Variants in STPG2 observed in about 807,000 individuals in gnomAD.
The protein encoded by STPG2 is sperm tail PG-rich repeat containing 2.
A neutral mutation model predicts 54.2 loss-of-function variants in STPG2; 56 were observed. The observed-to-expected ratio is 1.03, with a 90% CI of 0.83 to 1.29. The LOEUF is 1.29. Among genes scored for constraint, STPG2 ranks in the 50% most tolerant of loss-of-function variants. The pLI, the probability that STPG2 is intolerant of heterozygous loss-of-function variation, is 0.00. For missense variants in STPG2, 596 were observed against 544.9 expected, an observed-to-expected ratio of 1.09 and a Z score of -0.93; for synonymous variants, 200 against 181.8, an observed-to-expected ratio of 1.10 and a Z score of -0.81.
chr4:97,452,302 C>T (rs1022083610), intron 4 of STPG2, among the ~76,000 whole-genome samples: 2 of 152,098 alleles, frequency 1.3e-5, no homozygotes, highest in African/African-American at 4.8e-5. Flanking sequence ...AATTTTGGAG[C>T]AAAGTCAGGT....
chr4:97,950,703 TC>T (rs1733431786), intron 7 of STPG2, among the ~76,000 whole-genome samples: 2 of 152,216 alleles, frequency 1.3e-5, no homozygotes, highest in South Asian at 2.1e-4. Flanking sequence ...TCTTCTGACC[TC>T]CACGCTGTCC....
chr4:97,649,420 A>G (rs1284550506), intron 10 of STPG2, among the ~76,000 whole-genome samples: 1 of 152,148 alleles, frequency 6.6e-6, no homozygotes, highest in African/African-American at 2.4e-5. Context: ...TAGCTGTCAC[A>G]GGCTGTTTTT....
chr4:98,071,484 C>G (rs1738001437), intron 5 of STPG2, among the ~76,000 whole-genome samples: 1 of 151,956 alleles, frequency 6.6e-6, no homozygotes, highest in Non-Finnish European at 1.5e-5. Context: ...TAGGCAATAC[C>G]ATTCAGGACA....
intron 4 of STPG2, among the ~76,000 whole-genome samples, chr4:97,541,526 G>A (rs887407273): frequency 5.9e-5 from 9 of 152,110 alleles, no homozygotes; most frequent in South Asian, 2.1e-4. Flanking sequence ...AATCAGTATC[G>A]TGAAAATGGC....
At chr4:97,615,511 C>A (rs1032896547) in intron 10 of STPG2, among the ~76,000 whole-genome samples, 1 of 152,016 alleles carries the variant, frequency 6.6e-6, no homozygotes, top group Non-Finnish European at 1.5e-5. Flanking sequence ...TGGCCTTGAA[C>A]TCCTAGCCTC....
At chr4:98,035,303 C>T (rs1488425580) in intron 5 of STPG2, among the ~76,000 whole-genome samples, 1 of 152,164 alleles carries the variant, frequency 6.6e-6, no homozygotes, top group Non-Finnish European at 1.5e-5. Context: ...TGAACAGACA[C>T]TTCTCAAAAG....
chr4:97,706,176 G>C (rs1002608004), intron 10 of STPG2, among the ~76,000 whole-genome samples: 1 of 152,070 alleles, frequency 6.6e-6, no homozygotes, highest in African/African-American at 2.4e-5. Context: ...GCATAGGAAG[G>C]GTAGCCCTTC....
chr4:97,911,679 A>T (rs1329683615), intron 8 of STPG2, among the ~76,000 whole-genome samples: 1 of 151,976 alleles, frequency 6.6e-6, no homozygotes. Context: ...ACCAGACAGA[A>T]CTCTGATCTC....
At chr4:97,841,033 C>T (rs1728787994) in intron 8 of STPG2, 101 bp from the exon 9 acceptor site, 1 of 1,101,200 alleles carries the variant, frequency 9.1e-7, no homozygotes, top group African/African-American at 1.7e-5. Flanking sequence ...ATAGAAAAAT[C>T]CTAATACTTT....
At position 97,830,152 on chromosome 4, in the gene STPG2, C is replaced by T. The variant is rs915071023; in HGVS notation, c.1204+10621G>A. Among the ~76,000 whole-genome samples, 3 of 152,236 alleles carry T rather than the reference C, an allele frequency of 2.0e-5. No homozygotes were observed. The South Asian group carries it at 6.2e-4, about 32-fold the overall frequency. On this transcript the variant is annotated intron_variant, in intron 9 of 10. Coordinates refer to ENST00000295268, the MANE Select transcript of STPG2 (RefSeq NM_174952.3). ...AAGTCGCATTATCCACAAAGGGAAGCCCATCAGACTAACAGCAGATCTCTC... is the reference window on the plus strand; with the variant it reads ...AAGTCGCATTATCCACAAAGGGAAGTCCATCAGACTAACAGCAGATCTCTC...
intron 9 of STPG2, among the ~76,000 whole-genome samples, chr4:97,757,007 C>A (rs1001127099): frequency 6.6e-6 from 1 of 152,144 alleles, no homozygotes; most frequent in Non-Finnish European, 1.5e-5. Context: ...CTACACCAAT[C>A]ATGTGTAAGA....
At chr4:97,992,885 A>T (rs896734386) in intron 5 of STPG2, among the ~76,000 whole-genome samples, 6 of 152,090 alleles carry the variant, frequency 3.9e-5, no homozygotes, top group Non-Finnish European at 7.4e-5. Context: ...TCTCAGCTTA[A>T]TCACTGTTGG....
At chr4:97,701,878 C>T (rs899433138) in intron 10 of STPG2, among the ~76,000 whole-genome samples, 1 of 152,168 alleles carries the variant, frequency 6.6e-6, no homozygotes, top group Non-Finnish European at 1.5e-5. Context: ...TTGGCCCCTG[C>T]CACCTTGGGA....
At chr4:97,460,667 A>G (rs1214715948) in intron 4 of STPG2, among the ~76,000 whole-genome samples, 1 of 152,200 alleles carries the variant, frequency 6.6e-6, no homozygotes, top group African/African-American at 2.4e-5. Flanking sequence ...ATGAATTTTC[A>G]AAAAATGAAC....
At chr4:97,645,401 T>A (rs1231205645) in intron 10 of STPG2, among the ~76,000 whole-genome samples, 1 of 152,082 alleles carries the variant, frequency 6.6e-6, no homozygotes. Flanking sequence ...ATTTTAAAGA[T>A]AGAGTTCATA....
intron 9 of STPG2, among the ~76,000 whole-genome samples, chr4:97,755,954 C>G (rs1725719271): frequency 6.6e-6 from 1 of 152,156 alleles, no homozygotes; most frequent in Non-Finnish European, 1.5e-5. Context: ...TGACAAAAAG[C>G]TGGCACCATG....
intron 8 of STPG2, among the ~76,000 whole-genome samples, chr4:97,859,807 T>A (rs772986581): frequency 2.0e-5 from 3 of 152,206 alleles, no homozygotes; most frequent in African/African-American, 2.4e-5. Context: ...CCTAAGCCAA[T>A]GCTGAGAAGT....
chr4:98,095,717 C>T (rs901514202), intron 5 of STPG2, among the ~76,000 whole-genome samples: 2 of 152,156 alleles, frequency 1.3e-5, no homozygotes, highest in Non-Finnish European at 2.9e-5. Flanking sequence ...AATACAATAA[C>T]AGCTGGAGAC....
chr4:97,982,350 CTT>C (rs1734708934), intron 5 of STPG2, among the ~76,000 whole-genome samples: 2 of 148,374 alleles, frequency 1.3e-5, no homozygotes, highest in Admixed American at 6.9e-5. Flanking sequence ...GTCTGTTTGT[CTT>C]TCTCTTCCTC....
Sources: allele counts gnomAD v4.1 joint callset (sites outside exome capture counted in the v4.1 genomes callset), GRCh38; gene constraint gnomAD v4.1.1; transcripts MANE v1.5; gene names NCBI Gene and HGNC (gene_info 2026-07-23, HGNC 2026-07-21).